Variants in TMTC2 observed in about 807,000 individuals in gnomAD.
TMTC2 encodes the protein protein O-mannosyl-transferase TMTC2.
Under a neutral mutation model 82.4 loss-of-function variants are expected in TMTC2, and 43 were observed. The observed-to-expected ratio is 0.52, with a 90% CI of 0.41 to 0.67. The LOEUF (loss-of-function observed/expected upper bound fraction) is 0.67, where lower values mean the gene tolerates loss of function less well. Ranked by LOEUF, TMTC2 falls within the 30% of genes least tolerant of loss-of-function variation. TMTC2 has a pLI of 0.00. For synonymous variants in TMTC2, 408 were observed against 381.9 expected (o/e 1.07, Z -0.80); for missense variants, 919 against 1,012.4 (o/e 0.91, Z 1.25).
intron 1 of TMTC2, among the ~76,000 whole-genome samples, chr12:82,777,433 C>A (rs968644835): frequency 1.3e-5 from 2 of 152,094 alleles, no homozygotes; most frequent in African/African-American, 4.8e-5. Flanking sequence ...AATAATGATT[C>A]TCTCTTTCCA....
chr12:83,128,110 T>C (rs1346353100), intron 11 of TMTC2, among the ~76,000 whole-genome samples: 1 of 152,108 alleles, frequency 6.6e-6, no homozygotes, highest in Non-Finnish European at 1.5e-5. Context: ...ACTGCTTTGG[T>C]TAACATACTG....
intron 11 of TMTC2, among the ~76,000 whole-genome samples, chr12:83,081,859 C>A (rs1236218265): frequency 2.6e-5 from 4 of 151,878 alleles, no homozygotes; most frequent in African/African-American, 7.3e-5. Context: ...GGCAATGTAA[C>A]AAGACCCTGT....
At chr12:83,107,596 C>A (rs1371280046) in intron 11 of TMTC2, among the ~76,000 whole-genome samples, 2 of 152,172 alleles carry the variant, frequency 1.3e-5, no homozygotes, top group East Asian at 3.8e-4. Context: ...TAGTTTCCAG[C>A]ACATGAAATT....
chr12:82,771,807 G>A (rs948258635), intron 1 of TMTC2, among the ~76,000 whole-genome samples: 2 of 152,022 alleles, frequency 1.3e-5, no homozygotes, highest in African/African-American at 4.8e-5. Context: ...CAAAGGGGTG[G>A]GGAGGGGAAG....
chr12:82,704,280 G>GA (rs1873236272), intron 1 of TMTC2, among the ~76,000 whole-genome samples: 1 of 152,042 alleles, frequency 6.6e-6, no homozygotes, highest in Non-Finnish European at 1.5e-5. Flanking sequence ...AAAACTGGTT[G>GA]AAAATGAAGT....
In TMTC2 at chr12:83,132,595, G is replaced by A; in HGVS notation, c.*206G>A. 1.8e-6 allele frequency: 1 copy of A among 562,192 alleles called. No homozygotes were observed. Among genetic ancestry groups the A allele is most frequent in the Non-Finnish European group, 3.0e-6 (1 of 330,856 alleles). The allele number at this position is 562,192 out of a possible 1,614,324, so 34.8% of individuals were successfully genotyped here. ...AAAAGGGGAAAGCCGGAAACCTCCTGGAGGATGTCATTGTTACCCATAGAC... is the reference window on the plus strand; with the variant it reads ...AAAAGGGGAAAGCCGGAAACCTCCTAGAGGATGTCATTGTTACCCATAGAC... On this transcript the variant is annotated 3_prime_UTR_variant, in exon 12 of 12. Coordinates refer to ENST00000321196, the MANE Select transcript of TMTC2 (RefSeq NM_152588.3).
intron 1 of TMTC2, among the ~76,000 whole-genome samples, chr12:82,790,222 T>C (rs1348880625): frequency 6.6e-6 from 1 of 151,084 alleles, no homozygotes; most frequent in Non-Finnish European, 1.5e-5. Flanking sequence ...GGCCATGTTG[T>C]CATGGACAGT....
chr12:83,024,187 T>C (rs1160859594), intron 8 of TMTC2, among the ~76,000 whole-genome samples: 1 of 152,180 alleles, frequency 6.6e-6, no homozygotes, highest in African/African-American at 2.4e-5. Context: ...GGTCATTATA[T>C]GGAATATCAC....
At chr12:83,025,796 T>C (rs1394992475) in intron 8 of TMTC2, among the ~76,000 whole-genome samples, 3 of 152,156 alleles carry the variant, frequency 2.0e-5, no homozygotes, top group Admixed American at 6.5e-5. Flanking sequence ...GGAAAACAGA[T>C]GACTTACTAT....
chr12:82,815,860 A>G (rs1228208735), intron 1 of TMTC2, among the ~76,000 whole-genome samples: 1 of 152,092 alleles, frequency 6.6e-6, no homozygotes, highest in Non-Finnish European at 1.5e-5. Context: ...TGTATTACAA[A>G]GGATAAATCT....
chr12:82,877,862 A>G (rs755214113), intron 2 of TMTC2, among the ~76,000 whole-genome samples: 3 of 152,226 alleles, frequency 2.0e-5, no homozygotes, highest in Non-Finnish European at 4.4e-5. Flanking sequence ...AAACTGTTAA[A>G]GAAACGAGGG....
intron 1 of TMTC2, among the ~76,000 whole-genome samples, chr12:82,772,887 G>C (rs945773162): frequency 5.3e-5 from 8 of 151,998 alleles, no homozygotes; most frequent in Non-Finnish European, 1.0e-4. Flanking sequence ...GTGTCGGAGT[G>C]GGGGGAGACA....
chr12:82,857,726 T>C, intron 2 of TMTC2, 146 bp downstream of exon 2: 1 of 706,244 alleles, frequency 1.4e-6, no homozygotes. Flanking sequence ...GGAAGTGTCC[T>C]TTTGACCTTT....
chr12:82,831,267 C>T (rs897805836), intron 1 of TMTC2, among the ~76,000 whole-genome samples: 1 of 152,204 alleles, frequency 6.6e-6, no homozygotes, highest in Admixed American at 6.5e-5. Flanking sequence ...ATACCATGAG[C>T]TTCTCCTGTG....
chr12:82,970,490 C>G (rs1195756872), intron 7 of TMTC2, among the ~76,000 whole-genome samples: 1 of 141,150 alleles, frequency 7.1e-6, no homozygotes, highest in East Asian at 2.0e-4. Context: ...CGCCACCGCG[C>G]CCGGCTAATT....
intron 9 of TMTC2, among the ~76,000 whole-genome samples, chr12:83,035,647 A>G (rs1361956066): frequency 6.6e-6 from 1 of 152,184 alleles, no homozygotes; most frequent in African/African-American, 2.4e-5. Context: ...AGCAAATTAT[A>G]TAAAGTCTTT....
intron 1 of TMTC2, among the ~76,000 whole-genome samples, chr12:82,840,865 C>A (rs955446830): frequency 8.5e-5 from 13 of 152,312 alleles, no homozygotes; most frequent in Admixed American, 5.9e-4. Flanking sequence ...CTTCAGCCTC[C>A]ACATTCCAGG....
chr12:83,070,677 C>A (rs1274335884), intron 11 of TMTC2, among the ~76,000 whole-genome samples: 1 of 152,086 alleles, frequency 6.6e-6, no homozygotes, highest in Non-Finnish European at 1.5e-5. Flanking sequence ...TTTGGATGCC[C>A]CTTATTTCTT....
chr12:82,687,380 G>A lies in TMTC2; in HGVS notation c.-207G>A. ...GGAGTGTGGTGTGAGCCCGCACCCG[G>A]GGAGGACGCAGGAGCTGCGGAGACG... is the stretch of plus-strand genomic sequence containing the variant. On this transcript the variant is annotated 5_prime_UTR_variant, in exon 1 of 12. Transcript: ENST00000321196. 1.7e-6 allele frequency: 1 copy of A among 597,940 alleles called. No homozygotes were observed. The highest frequency in any genetic ancestry group is 3.0e-6 in the Non-Finnish European group (1 of 336,286). The allele number at this position is 597,940 out of a possible 1,614,324, so 37.0% of individuals were successfully genotyped here.
Sources: allele counts gnomAD v4.1 joint callset (sites outside exome capture counted in the v4.1 genomes callset), GRCh38; gene constraint gnomAD v4.1.1; transcripts MANE v1.5; gene names NCBI Gene and HGNC (gene_info 2026-07-23, HGNC 2026-07-21).